SWT1: variants seen among roughly 807,000 people sequenced by gnomAD.
SWT1 encodes the protein transcriptional protein SWT1.
SWT1 carries 33 observed loss-of-function variants against 107.3 expected under a neutral mutation model. The ratio of observed to expected loss-of-function variants is 0.31; its 90% CI spans 0.23 to 0.41. The LOEUF (loss-of-function observed/expected upper bound fraction) is 0.41. Ranked by LOEUF, SWT1 falls within the 10% of genes least tolerant of loss-of-function variation. SWT1 has a pLI of 1.00. For synonymous variants in SWT1, 345 were observed against 348.3 expected, an observed-to-expected ratio of 0.99 and a Z score of 0.11; for missense variants, 898 against 1,028.9, an observed-to-expected ratio of 0.87 and a Z score of 1.74.
chr1:185,202,128 G>A (rs1469334160), intron 10 of SWT1, among the ~76,000 whole-genome samples: 4 of 151,912 alleles, frequency 2.6e-5, no homozygotes, highest in African/African-American at 7.3e-5. Context: ...TGCCCTTGTC[G>A]TTCTCTATAA....
chr1:185,199,349 G>C (rs940274101), intron 10 of SWT1, among the ~76,000 whole-genome samples: 1 of 152,182 alleles, frequency 6.6e-6, no homozygotes. Flanking sequence ...AGTGTCGATG[G>C]TCTTTACAAT....
chr1:185,217,671 T>C (rs1398186349), intron 14 of SWT1, among the ~76,000 whole-genome samples: 1 of 151,766 alleles, frequency 6.6e-6, no homozygotes, highest in African/African-American at 2.4e-5. Flanking sequence ...TCCCAGCTTA[T>C]TGCAACCTCC....
At chr1:185,266,813 C>T (rs1345941816) in intron 16 of SWT1, among the ~76,000 whole-genome samples, 3 of 152,040 alleles carry the variant, frequency 2.0e-5, no homozygotes, top group Non-Finnish European at 2.9e-5. Flanking sequence ...GAGTCAGGGC[C>T]GCTAGTGAGT....
chr1:185,173,136 T>A (rs1448477834), intron 4 of SWT1, among the ~76,000 whole-genome samples: 1 of 152,104 alleles, frequency 6.6e-6, no homozygotes, highest in Admixed American at 6.6e-5. Flanking sequence ...TAAAAATGTT[T>A]ATTAGCTGTT....
chr1:185,175,096 A>G lies in SWT1; in HGVS notation c.949A>G (p.Arg317Gly), dbSNP rs1655424909. 1.3e-6 allele frequency: 2 copies of G among 1,555,834 alleles called. No homozygotes were observed. The highest frequency in any genetic ancestry group is 1.7e-6 in the Non-Finnish European group (2 of 1,153,896). The change falls in exon 5 of 19, where the codon AGG becomes GGG. Residue 317 changes from arginine to glycine, a missense_variant. Physicochemically the swap from Arg to Gly is moderately radical, Grantham distance 125. Transcript: ENST00000367500. ...DHQESNDSHSRENLTQSFEAP... is the reference protein window; with the variant it reads ...DHQESNDSHSGENLTQSFEAP... ...TCAAGAAAGTAATGATTCACATTCT[A>G]GGGAAAACCTAACCCAGGTAAGGTA...
At position 185,160,423 on chromosome 1, in the gene SWT1, A is replaced by C. The variant is rs529780348; in HGVS notation, c.-9-410A>C. ...TGGGAATGGTTAAAAAGTAGTAATC[A>C]TAGTGCTGGGAGTGGTCACTCACAC... On this transcript the variant is annotated intron_variant, in intron 1 of 18. Coordinates refer to ENST00000367500, the MANE Select transcript of SWT1 (RefSeq NM_017673.7). Among the ~76,000 whole-genome samples the C allele has an allele frequency of 5.9e-5, 9 of 152,294 alleles. No individual in the cohort carries two copies. In the East Asian group the frequency reaches 1.7e-3, roughly 29 times the overall value.
intron 10 of SWT1, among the ~76,000 whole-genome samples, chr1:185,192,484 A>G (rs764416081): frequency 6.6e-6 from 1 of 152,092 alleles, no homozygotes; most frequent in Non-Finnish European, 1.5e-5. Context: ...GGGTCTGGCT[A>G]TGTTGCCCAG....
rs532349328 is a variant in SWT1, at chr1:185,288,952, C to T, written c.2574-1722C>T. Reference sequence around the variant, plus strand: ...ATTAAGCACTCCCTGCTTCCCCACCCTTGGTTTAAGGTTACTAACATTCCT... The same window carrying T: ...ATTAAGCACTCCCTGCTTCCCCACCTTTGGTTTAAGGTTACTAACATTCCT... On this transcript the variant is annotated intron_variant, in intron 18 of 18. Coordinates refer to ENST00000367500, the MANE Select transcript of SWT1 (RefSeq NM_017673.7). Among the ~76,000 whole-genome samples the T allele has an allele frequency of 6.6e-5, 10 of 152,266 alleles. No homozygotes were observed. In the East Asian group the frequency reaches 1.5e-3, roughly 23 times the overall value.
Position 185,202,174 on chromosome 1 carries a change from A to G in SWT1, c.1524-480A>G, listed in dbSNP as rs192113741. 1.6e-3 allele frequency among the ~76,000 whole-genome samples: 249 copies of G among 152,184 alleles called. 1 individual carries two copies. The highest frequency in any genetic ancestry group is 6.8e-3 in the Middle Eastern group (2 of 294). Reference sequence around the variant, plus strand: ...TGGTCTCATGCACTATGTTCTAATCATATTGGCTTCTTTCAGCAAACAGCA... The same window carrying G: ...TGGTCTCATGCACTATGTTCTAATCGTATTGGCTTCTTTCAGCAAACAGCA... On this transcript the variant is annotated intron_variant, in intron 10 of 18. Transcript: ENST00000367500.
intron 5 of SWT1, among the ~76,000 whole-genome samples, chr1:185,180,146 T>G (rs976993174): frequency 2.0e-5 from 3 of 152,142 alleles, no homozygotes; most frequent in African/African-American, 7.2e-5. Flanking sequence ...GTTGTGCCAT[T>G]GCACTCCAGT....
chr1:185,180,349 G>T, intron 5 of SWT1, 42 bp from the exon 6 acceptor site: 1 of 1,515,832 alleles, frequency 6.6e-7, no homozygotes, highest in Admixed American at 1.7e-5. Flanking sequence ...CCCTATTTAG[G>T]TTATGCTTTA....
chr1:185,244,268 T>C (rs1330852944), intron 16 of SWT1, among the ~76,000 whole-genome samples: 1 of 152,096 alleles, frequency 6.6e-6, no homozygotes, highest in Non-Finnish European at 1.5e-5. Flanking sequence ...TGGGGATACA[T>C]GTTCTTGTGT....
intron 14 of SWT1, among the ~76,000 whole-genome samples, chr1:185,218,893 A>T (rs1019978480): frequency 5.3e-5 from 8 of 152,204 alleles, no homozygotes; most frequent in African/African-American, 1.9e-4. Flanking sequence ...TGAATTAACA[A>T]GTTAATATTT....
At chr1:185,282,744 G>A (rs1664713523) in intron 18 of SWT1, among the ~76,000 whole-genome samples, 1 of 152,082 alleles carries the variant, frequency 6.6e-6, no homozygotes, top group Non-Finnish European at 1.5e-5. Context: ...GATAGTGTCA[G>A]AATTGAATTG....
At chr1:185,226,335 C>A (rs1036404531) in intron 15 of SWT1, among the ~76,000 whole-genome samples, 1 of 152,050 alleles carries the variant, frequency 6.6e-6, no homozygotes, top group Non-Finnish European at 1.5e-5. Context: ...GGTTATGTAC[C>A]AGACACATTA....
intron 18 of SWT1, chr1:185,281,959 C>A (rs1162926540): frequency 2.0e-5 from 3 of 152,254 alleles, no homozygotes; most frequent in African/African-American, 7.2e-5. Flanking sequence ...CTTGCTGTGG[C>A]ATTACATGGA....
At chr1:185,277,248 CTTTA>C (rs150752553) in intron 18 of SWT1, among the ~76,000 whole-genome samples, 5,939 of 151,784 alleles carry the variant, frequency 0.039, 277 homozygotes, top group African/African-American at 0.096. Flanking sequence ...ACATCTTAGT[CTTTA>C]TTTATTTATT....
At chr1:185,195,350 A>G (rs920639435) in intron 10 of SWT1, among the ~76,000 whole-genome samples, 1 of 152,202 alleles carries the variant, frequency 6.6e-6, no homozygotes, top group Non-Finnish European at 1.5e-5. Flanking sequence ...ATGGCTGCAT[A>G]GTATTCCATG....
intron 16 of SWT1, among the ~76,000 whole-genome samples, chr1:185,237,673 T>G (rs1337390982): frequency 6.6e-6 from 1 of 151,900 alleles, no homozygotes. Flanking sequence ...ATTCTGCACA[T>G]GTACCCCAGA....
Sources: allele counts gnomAD v4.1 joint callset (sites outside exome capture counted in the v4.1 genomes callset), GRCh38; gene constraint gnomAD v4.1.1; transcripts MANE v1.5; gene names NCBI Gene and HGNC (gene_info 2026-07-23, HGNC 2026-07-21).